Variants in KCNIP1 observed in about 807,000 individuals in gnomAD.
KCNIP1 encodes the protein A-type potassium channel modulatory protein KCNIP1.
Under a neutral mutation model 33.0 loss-of-function variants are expected in KCNIP1, and 18 were observed. That is an observed-to-expected ratio of 0.55 (90% CI 0.38 to 0.81). The LOEUF is 0.81. KCNIP1 is among the 30% of genes least tolerant of loss of function. The pLI, the probability that KCNIP1 is intolerant of heterozygous loss-of-function variation, is 0.00. For missense variants in KCNIP1, 238 were observed against 271.6 expected (o/e 0.88, Z 0.87); for synonymous variants, 93 against 98.3 (o/e 0.95, Z 0.32).
intron 1 of KCNIP1, among the ~76,000 whole-genome samples, chr5:170,497,702 T>C (rs757243193): frequency 3.3e-5 from 5 of 152,206 alleles, no homozygotes; most frequent in Non-Finnish European, 7.3e-5. Flanking sequence ...CCAAGCATAG[T>C]GCTGGCACCC....
intron 5 of KCNIP1, among the ~76,000 whole-genome samples, chr5:170,732,567 C>T (rs1329713583): frequency 1.3e-5 from 2 of 152,136 alleles, no homozygotes. Flanking sequence ...ACAAGGTAAC[C>T]TACCCATGAG....
chr5:170,679,625 CAGTG>C (rs1222519237), intron 1 of KCNIP1, among the ~76,000 whole-genome samples: 2 of 93,728 alleles, frequency 2.1e-5, no homozygotes, highest in African/African-American at 1.0e-4. Context: ...ATGTATATGA[CAGTG>C]TGTGTGTGTG....
At chr5:170,555,492 CAG>C (rs1756813341) in intron 1 of KCNIP1, among the ~76,000 whole-genome samples, 1 of 152,188 alleles carries the variant, frequency 6.6e-6, no homozygotes, top group Admixed American at 6.5e-5. Flanking sequence ...GAGGAAGCTG[CAG>C]AGTCAGTTGC....
At chr5:170,685,825 G>C (rs1328338735) in intron 1 of KCNIP1, among the ~76,000 whole-genome samples, 1 of 152,178 alleles carries the variant, frequency 6.6e-6, no homozygotes, top group Non-Finnish European at 1.5e-5. Flanking sequence ...CCATATCATA[G>C]ATTCTGGGAG....
At chr5:170,467,775 A>C (rs1756639037) in intron 1 of KCNIP1, among the ~76,000 whole-genome samples, 1 of 151,996 alleles carries the variant, frequency 6.6e-6, no homozygotes, top group Non-Finnish European at 1.5e-5. Flanking sequence ...AAAATTAGCC[A>C]GGTGTGTTGG....
At chr5:170,447,133 G>A (rs1756136786) in intron 1 of KCNIP1, among the ~76,000 whole-genome samples, 1 of 151,150 alleles carries the variant, frequency 6.6e-6, no homozygotes, top group African/African-American at 2.4e-5. Flanking sequence ...ATCCCAGTAG[G>A]AGCTGGGAAA....
rs574689011 is a variant in KCNIP1, at chr5:170,683,263, C to T, written c.62-35495C>T. On this transcript the variant is annotated intron_variant, in intron 1 of 7. Coordinates refer to ENST00000328939, the MANE Select transcript of KCNIP1 (RefSeq NM_014592.4). ...AGTTAATATAAACCTCAAAATAATG[C>T]TCTAAGGAAAACATTTTAAATAATG... 1.4e-4 allele frequency among the ~76,000 whole-genome samples: 21 copies of T among 152,220 alleles called. No individual in the cohort carries two copies. In the South Asian group the frequency reaches 3.7e-3, roughly 27 times the overall value.
At chr5:170,477,075 C>G (rs1756871810) in intron 1 of KCNIP1, among the ~76,000 whole-genome samples, 1 of 152,092 alleles carries the variant, frequency 6.6e-6, no homozygotes, top group Non-Finnish European at 1.5e-5. Flanking sequence ...AATGGGAATT[C>G]TCTGTACTTT....
intron 1 of KCNIP1, among the ~76,000 whole-genome samples, chr5:170,444,345 G>A (rs546914238): frequency 8.5e-5 from 13 of 152,214 alleles, no homozygotes; most frequent in Admixed American, 2.6e-4. Flanking sequence ...GTGTTGGGCC[G>A]AGTCTTTCTC....
At chr5:170,561,912 C>A in intron 1 of KCNIP1, among the ~76,000 whole-genome samples, 1 of 152,106 alleles carries the variant, frequency 6.6e-6, no homozygotes, top group East Asian at 1.9e-4. Flanking sequence ...AAATCAAAAA[C>A]GCATTTAGTA....
rs1048564143 is a variant in KCNIP1 at position 170,735,874 on chromosome 5, G to A, written c.*68G>A. 1 of 1,363,652 alleles carries A rather than the reference G, an allele frequency of 7.3e-7. No individual in the cohort carries two copies. The allele number at this position is 1,363,652 out of a possible 1,614,324, so 84.5% of individuals were successfully genotyped here. On this transcript the variant is annotated 3_prime_UTR_variant, in exon 8 of 8. Coordinates refer to ENST00000328939, the MANE Select transcript of KCNIP1 (RefSeq NM_014592.4). ...AACAACCACCTTAACACCCTGATCT[G>A]CCCTTGTTCTGATTTTACACACCAA...
intron 1 of KCNIP1, among the ~76,000 whole-genome samples, chr5:170,497,962 GC>G (rs758160063): frequency 2.6e-5 from 4 of 152,240 alleles, no homozygotes; most frequent in Non-Finnish European, 5.9e-5. Context: ...CAGAGCCTGT[GC>G]CCCGGCTTCC....
At chr5:170,649,115 A>G (rs1760905890) in intron 1 of KCNIP1, among the ~76,000 whole-genome samples, 1 of 152,206 alleles carries the variant, frequency 6.6e-6, no homozygotes, top group African/African-American at 2.4e-5. Flanking sequence ...GAAAAGTTGA[A>G]TATGACCCCA....
intron 1 of KCNIP1, among the ~76,000 whole-genome samples, chr5:170,659,708 C>A (rs560192566): frequency 6.6e-6 from 1 of 152,206 alleles, no homozygotes; most frequent in Admixed American, 6.5e-5. Context: ...GAACCAGGCT[C>A]GGAACAAGAC....
chr5:170,431,793 C>T (rs1581186528), intron 1 of KCNIP1, among the ~76,000 whole-genome samples: 1 of 152,228 alleles, frequency 6.6e-6, no homozygotes, highest in Non-Finnish European at 1.5e-5. Flanking sequence ...CCCAGCAGGA[C>T]CCATGAGCTC....
intron 1 of KCNIP1, among the ~76,000 whole-genome samples, chr5:170,629,537 G>A (rs1051646244): frequency 6.6e-6 from 1 of 152,172 alleles, no homozygotes; most frequent in South Asian, 2.1e-4. Flanking sequence ...GGATGCCTGG[G>A]TCCCCCACCC....
intron 1 of KCNIP1, chr5:170,377,966 G>C (rs552414385): frequency 3.3e-5 from 5 of 151,856 alleles, no homozygotes; most frequent in Admixed American, 3.3e-4. Flanking sequence ...TTCTGTGAGG[G>C]GGACACACTC....
At chr5:170,451,755 G>GTGTGTGTGTGTA (rs1289731051) in intron 1 of KCNIP1, among the ~76,000 whole-genome samples, 2 of 151,354 alleles carry the variant, frequency 1.3e-5, no homozygotes, top group African/African-American at 4.9e-5. Context: ...GTGTGTGTGT[G>GTGTGTGTGTGTA]TGTGTGTGTG....
At chr5:170,400,514 G>A (rs1474739626) in intron 1 of KCNIP1, among the ~76,000 whole-genome samples, 1 of 152,140 alleles carries the variant, frequency 6.6e-6, no homozygotes, top group Non-Finnish European at 1.5e-5. Context: ...TTCAAGATGA[G>A]ATTTGGGTGG....
Sources: allele counts gnomAD v4.1 joint callset (sites outside exome capture counted in the v4.1 genomes callset), GRCh38; gene constraint gnomAD v4.1.1; transcripts MANE v1.5; gene names NCBI Gene and HGNC (gene_info 2026-07-23, HGNC 2026-07-21).